The following UTS2B variants were observed in gnomAD, a reference collection of about 807,000 sequenced individuals.
UTS2B encodes the protein urotensin-2B.
Under a neutral mutation model 19.2 loss-of-function variants are expected in UTS2B, and 21 were observed. The ratio of observed to expected loss-of-function variants is 1.09; its 90% CI spans 0.78 to 1.58. UTS2B has a LOEUF of 1.58. Ranked by LOEUF, UTS2B falls within the 40% of genes most tolerant of loss-of-function variation. The probability of loss-of-function intolerance (pLI) is 0.00; values close to 1 mark genes in which losing one functional copy is unlikely to be tolerated. For missense variants in UTS2B, 138 were observed against 130.3 expected, an observed-to-expected ratio of 1.06 and a Z score of -0.29; for synonymous variants, 57 against 50.2, an observed-to-expected ratio of 1.14 and a Z score of -0.58.
intron 4 of UTS2B, among the ~76,000 whole-genome samples, chr3:191,285,466 A>C (rs184962914): frequency 6.6e-6 from 1 of 152,322 alleles, no homozygotes; most frequent in Admixed American, 6.5e-5. Context: ...CAATTAACAA[A>C]ATGGCACTAG....
chr3:191,273,436 G>A (rs1716144455), intron 8 of UTS2B: 2 of 456,116 alleles, frequency 4.4e-6, no homozygotes, highest in Non-Finnish European at 8.8e-6. Flanking sequence ...CCGGCCAATG[G>A]ACTTCAGTAG....
chr3:191,343,487 T>A, the UTS2B span, among the ~76,000 whole-genome samples: 2 of 152,248 alleles, frequency 1.3e-5, no homozygotes, highest in Admixed American at 6.5e-5. Flanking sequence ...TATGTTTAAT[T>A]ACGAAATTTT....
chr3:191,288,342 C>T lies in UTS2B; in HGVS notation c.-124-6029G>A, dbSNP rs527731249. 5.5e-4 allele frequency among the ~76,000 whole-genome samples: 83 copies of T among 152,196 alleles called. 1 individual carries two copies. The highest frequency in any genetic ancestry group is 8.8e-4 in the Non-Finnish European group (60 of 67,970). ...CAAAGCAATTTTGGGCAGAAAAACG[C>T]TGGAGGCATCACATACACTACATTA... On this transcript the variant is annotated intron_variant, in intron 4 of 8. Transcript: ENST00000340524.
At chr3:191,303,351 T>C (rs529178807) in intron 4 of UTS2B, among the ~76,000 whole-genome samples, 1 of 152,278 alleles carries the variant, frequency 6.6e-6, no homozygotes, top group African/African-American at 2.4e-5. Context: ...GGAAGGAAAA[T>C]TCCCCTCACC....
intron 4 of UTS2B, among the ~76,000 whole-genome samples, chr3:191,291,801 CTTTA>C (rs138851677): frequency 6.6e-6 from 1 of 151,216 alleles, no homozygotes; most frequent in Admixed American, 6.6e-5. Flanking sequence ...TGGGTTTCAC[CTTTA>C]TTTATTTATT....
chr3:191,344,734 A>G, the UTS2B span, among the ~76,000 whole-genome samples: 1 of 152,058 alleles, frequency 6.6e-6, no homozygotes, highest in African/African-American at 2.4e-5. Context: ...ACATACCACC[A>G]CACCTGGCTA....
At chr3:191,329,633 G>C (rs1168109906) in intron 1 of UTS2B, 14 of 1,589,284 alleles carry the variant, frequency 8.8e-6, no homozygotes, top group Middle Eastern at 3.4e-4. Flanking sequence ...GGCGGTGACC[G>C]GGAAGCCCGC....
intron 3 of UTS2B, among the ~76,000 whole-genome samples, chr3:191,308,543 G>T (rs1003255586): frequency 7.9e-5 from 12 of 152,116 alleles, no homozygotes; most frequent in Admixed American, 4.6e-4. Flanking sequence ...ATTGAGATTT[G>T]GGGTTGGGTA....
the UTS2B span, among the ~76,000 whole-genome samples, chr3:191,337,970 A>C: frequency 6.6e-6 from 1 of 152,126 alleles, no homozygotes; most frequent in Non-Finnish European, 1.5e-5. Context: ...ATCTTGCCTG[A>C]TGAGCATTTC....
chr3:191,283,050 T>C (rs950105322), intron 4 of UTS2B, among the ~76,000 whole-genome samples: 4 of 152,190 alleles, frequency 2.6e-5, no homozygotes, highest in African/African-American at 9.7e-5. Context: ...CCAAAAGACT[T>C]TGGATGTATC....
chr3:191,321,265 T>G (rs1256683909), intron 2 of UTS2B, among the ~76,000 whole-genome samples: 2 of 152,160 alleles, frequency 1.3e-5, no homozygotes, highest in Admixed American at 1.3e-4. Flanking sequence ...AGCTAGGAAT[T>G]CAAACTGCAG....
upstream of UTS2B, among the ~76,000 whole-genome samples, chr3:191,332,116 G>A (rs371849000): frequency 6.6e-6 from 1 of 152,204 alleles, no homozygotes; most frequent in African/African-American, 2.4e-5. Context: ...CTGTTTAGGA[G>A]GGGATGGGGC....
chr3:191,328,343 G>T, intron 2 of UTS2B: 1 of 152,190 alleles, frequency 6.6e-6, no homozygotes, highest in Admixed American at 6.5e-5. Context: ...CAGCTGCTCT[G>T]GGGATATCCT....
intron 4 of UTS2B, among the ~76,000 whole-genome samples, chr3:191,293,608 T>A (rs778535887): frequency 1.3e-5 from 2 of 152,150 alleles, no homozygotes; most frequent in South Asian, 2.1e-4. Context: ...TTATATTTTT[T>A]AAATCTGTAA....
intron 6 of UTS2B, 21 bp from the exon 7 acceptor site, chr3:191,276,865 A>T: frequency 6.2e-7 from 1 of 1,607,786 alleles, no homozygotes; most frequent in Non-Finnish European, 8.5e-7. Flanking sequence ...CATTTGTCAC[A>T]TGAAAAAACG....
At position 191,271,200 on chromosome 3, in the gene UTS2B, CAAAAAAAAAAA is replaced by C. The variant is rs66756396; in HGVS notation, c.335-2770_335-2760del. Among the ~76,000 whole-genome samples, 10 of 52,744 alleles carry C rather than the reference CAAAAAAAAAAA, an allele frequency of 1.9e-4. No individual in the cohort carries two copies. The South Asian group carries it at 3.3e-3, about 17-fold the overall frequency. 34.6% of individuals were successfully genotyped at this position (52,744 alleles called of 152,430 possible). A position where few individuals can be genotyped will look rare whatever the true frequency, so the allele number is the denominator to read the frequency against. Reference sequence around the variant, plus strand: ...GCCTGGTGACAGAGTGAGACTCTCTCAAAAAAAAAAAAAAAAAAAAAAAAAAGAGGTATCAA... The same window carrying C: ...GCCTGGTGACAGAGTGAGACTCTCTCAAAAAAAAAAAAAAAGAGGTATCAA... On this transcript the variant is annotated intron_variant, in intron 8 of 8. Transcript: ENST00000340524.
At position 191,326,728 on chromosome 3, in the gene UTS2B, T is replaced by C. The variant is rs140761105; in HGVS notation, c.-586+1903A>G. Among the ~76,000 whole-genome samples the C allele has an allele frequency of 4.1e-4, 63 of 152,336 alleles. No individual in the cohort carries two copies. In the East Asian group the frequency reaches 9.5e-3, roughly 23 times the overall value. On this transcript the variant is annotated intron_variant, in intron 2 of 8. Coordinates refer to ENST00000340524, the MANE Select transcript of UTS2B (RefSeq NM_198152.5). Reference sequence around the variant, plus strand: ...TTACAGAAATTCACCATATGTTCATTCCCTATAAATACTCAAAAGATACTA... The same window carrying C: ...TTACAGAAATTCACCATATGTTCATCCCCTATAAATACTCAAAAGATACTA...
chr3:191,309,722 T>A (rs530811645), intron 3 of UTS2B, among the ~76,000 whole-genome samples: 1 of 152,064 alleles, frequency 6.6e-6, no homozygotes, highest in Non-Finnish European at 1.5e-5. Flanking sequence ...TATTGTGAGA[T>A]CTGGTAATAC....
intron 4 of UTS2B, among the ~76,000 whole-genome samples, chr3:191,303,297 G>A (rs1016035480): frequency 2.5e-5 from 2 of 81,202 alleles, no homozygotes; most frequent in Non-Finnish European, 6.6e-5. Flanking sequence ...TATATCTGCT[G>A]TCAATTTATT....
Sources: gnomAD v4.1 joint callset for allele counts (sites outside exome capture counted in the v4.1 genomes callset) on GRCh38, gnomAD v4.1.1 for gene constraint, MANE v1.5 for transcripts, NCBI Gene and HGNC (gene_info 2026-07-23, HGNC 2026-07-21) for gene names.